PLCB1: variants seen among roughly 807,000 people sequenced by gnomAD.
PLCB1 encodes the protein phospholipase C beta 1, also known as 1-phosphatidylinositol 4,5-bisphosphate phosphodiesterase beta-1.
Under a neutral mutation model 161.8 loss-of-function variants are expected in PLCB1, and 46 were observed. That is an observed-to-expected ratio of 0.28 (90% CI 0.22 to 0.36). PLCB1 has a LOEUF of 0.36. PLCB1 is among the 10% of genes least tolerant of loss of function. PLCB1 has a pLI of 1.00. For synonymous variants in PLCB1, 517 were observed against 503.7 expected (o/e 1.03, Z -0.35); for missense variants, 1,016 against 1,472.5 (o/e 0.69, Z 5.07).
intron 9 of PLCB1, among the ~76,000 whole-genome samples, chr20:8,681,086 G>GTATATA (rs202198416): frequency 0.074 from 5,424 of 73,442 alleles, 278 homozygotes; most frequent in Middle Eastern, 0.12. Context: ...ATGTGTGTGT[G>GTATATA]TATATATATA....
chr20:8,712,163 C>T (rs936616473), intron 12 of PLCB1, among the ~76,000 whole-genome samples: 6 of 151,876 alleles, frequency 4.0e-5, no homozygotes, highest in Non-Finnish European at 8.8e-5. Context: ...GGTGTTATGG[C>T]GGGTGCCTAC....
intron 2 of PLCB1, among the ~76,000 whole-genome samples, chr20:8,326,034 A>G (rs1985138983): frequency 6.6e-6 from 1 of 152,214 alleles, no homozygotes; most frequent in South Asian, 2.1e-4. Flanking sequence ...TAATCTAGGT[A>G]ACAGTAATTA....
At chr20:8,454,764 T>C (rs1981224235) in intron 3 of PLCB1, among the ~76,000 whole-genome samples, 1 of 152,202 alleles carries the variant, frequency 6.6e-6, no homozygotes, top group African/African-American at 2.4e-5. Context: ...CTTTTAAAAA[T>C]TGCATTGTTT....
intron 3 of PLCB1, among the ~76,000 whole-genome samples, chr20:8,473,285 T>A (rs1352888346): frequency 6.7e-6 from 1 of 149,082 alleles, no homozygotes; most frequent in Non-Finnish European, 1.5e-5. Context: ...GAGTTAGTTA[T>A]CTCCAAAGGA....
rs151233174 is a variant in PLCB1, at chr20:8,836,025, G to A, written c.3424-45597G>A. On this transcript the variant is annotated intron_variant, in intron 31 of 31. Coordinates refer to ENST00000338037, the MANE Select transcript of PLCB1 (RefSeq NM_015192.4). ...ACTGAAGTCTGGCTAGTTGAGGATG[G>A]TCTTACCTACCTGGCTGGCAGCTGA... 5.2e-3 allele frequency among the ~76,000 whole-genome samples: 789 copies of A among 152,078 alleles called. 5 individuals are homozygous for A. Among genetic ancestry groups the A allele is most frequent in the African/African-American group, 0.018 (753 of 41,560 alleles).
intron 3 of PLCB1, among the ~76,000 whole-genome samples, chr20:8,410,274 T>A (rs1487972090): frequency 6.6e-6 from 1 of 152,202 alleles, no homozygotes; most frequent in Non-Finnish European, 1.5e-5. Context: ...CACATGAGTC[T>A]GACACAAACA....
At chr20:8,733,646 G>A (rs1272242481) in intron 19 of PLCB1, among the ~76,000 whole-genome samples, 2 of 148,170 alleles carry the variant, frequency 1.3e-5, no homozygotes, top group South Asian at 2.1e-4. Flanking sequence ...TTGTGGGGTG[G>A]GGGGAGCGGG....
At chr20:8,807,909 A>G (rs1785036475) in intron 31 of PLCB1, among the ~76,000 whole-genome samples, 2 of 152,180 alleles carry the variant, frequency 1.3e-5, no homozygotes, top group Non-Finnish European at 2.9e-5. Flanking sequence ...CGTTGTGTCA[A>G]AAAGGATTGC....
At chr20:8,295,260 G>T (rs749648262) in intron 2 of PLCB1, among the ~76,000 whole-genome samples, 1 of 151,950 alleles carries the variant, frequency 6.6e-6, no homozygotes, top group East Asian at 1.9e-4. Flanking sequence ...TAGATAAATT[G>T]GTTTTTATTA....
intron 27 of PLCB1, among the ~76,000 whole-genome samples, chr20:8,776,212 C>G (rs1174990841): frequency 6.6e-6 from 1 of 152,192 alleles, no homozygotes; most frequent in Non-Finnish European, 1.5e-5. Flanking sequence ...TTAATTCTCA[C>G]AATAACCATT....
intron 3 of PLCB1, among the ~76,000 whole-genome samples, chr20:8,562,402 A>G (rs1986170357): frequency 6.6e-6 from 1 of 152,086 alleles, no homozygotes; most frequent in Non-Finnish European, 1.5e-5. Context: ...GCCTGTGGCC[A>G]GGTAAGGCAA....
At position 8,448,146 on chromosome 20, in the gene PLCB1, G is replaced by A. The variant is rs181170436; in HGVS notation, c.246+76696G>A. On this transcript the variant is annotated intron_variant, in intron 3 of 31. Transcript: ENST00000338037. Reference sequence around the variant, plus strand: ...CTGTTTGTTGAGTAGGCGCTTACTAGCTGGAACAAATCCCTTTGCAAAGGT... The same window carrying A: ...CTGTTTGTTGAGTAGGCGCTTACTAACTGGAACAAATCCCTTTGCAAAGGT... 5.9e-5 allele frequency among the ~76,000 whole-genome samples: 9 copies of A among 152,308 alleles called. No homozygotes were observed. In the East Asian group the frequency reaches 1.7e-3, roughly 29 times the overall value.
At chr20:8,194,705 A>G (rs1193544664) in intron 2 of PLCB1, among the ~76,000 whole-genome samples, 1 of 152,212 alleles carries the variant, frequency 6.6e-6, no homozygotes, top group African/African-American at 2.4e-5. Context: ...TCAGTCTGAC[A>G]TCTGTTAATG....
At chr20:8,586,434 A>G (rs1986995326) in intron 3 of PLCB1, among the ~76,000 whole-genome samples, 1 of 151,846 alleles carries the variant, frequency 6.6e-6, no homozygotes, top group Non-Finnish European at 1.5e-5. Context: ...ATCCAGGGAC[A>G]TTTTTCACAA....
At chr20:8,686,457 G>A (rs1990360250) in intron 10 of PLCB1, among the ~76,000 whole-genome samples, 1 of 152,078 alleles carries the variant, frequency 6.6e-6, no homozygotes, top group African/African-American at 2.4e-5. Context: ...AATCTTTTGA[G>A]TCCAAAATAC....
At chr20:8,831,344 C>CA (rs1985970895) in intron 31 of PLCB1, 1 of 152,946 alleles carries the variant, frequency 6.5e-6, no homozygotes, top group Non-Finnish European at 1.5e-5. Context: ...TACAACTTCT[C>CA]AGAGTCCTGT....
In PLCB1 at chr20:8,457,582, G is replaced by A. The variant is rs143883505; in HGVS notation, c.246+86132G>A. ...TATTAAAATCTTATTTTAATCAGTC[G>A]TCTATTTAATTATTTTTATTATTGC... On this transcript the variant is annotated intron_variant, in intron 3 of 31. Transcript: ENST00000338037. Among the ~76,000 whole-genome samples, 363 of 152,172 alleles carry A rather than the reference G, an allele frequency of 2.4e-3. 1 individual carries two copies. Among genetic ancestry groups the A allele is most frequent in the South Asian group, 0.02 (96 of 4,820 alleles).
intron 2 of PLCB1, among the ~76,000 whole-genome samples, chr20:8,245,825 G>A (rs1315252712): frequency 1.3e-5 from 2 of 151,874 alleles, no homozygotes; most frequent in East Asian, 1.9e-4. Flanking sequence ...GTCTTTTCAT[G>A]TATTTATTTA....
chr20:8,291,543 G>C (rs1265720056), intron 2 of PLCB1, among the ~76,000 whole-genome samples: 1 of 152,154 alleles, frequency 6.6e-6, no homozygotes, highest in African/African-American at 2.4e-5. Context: ...AGACACTACA[G>C]ACAACGAGGA....
Sources: gnomAD v4.1 joint callset for allele counts (sites outside exome capture counted in the v4.1 genomes callset) on GRCh38, gnomAD v4.1.1 for gene constraint, MANE v1.5 for transcripts, NCBI Gene and HGNC (gene_info 2026-07-23, HGNC 2026-07-21) for gene names.